CFAP58: variants seen among roughly 807,000 people sequenced by gnomAD.
The protein encoded by CFAP58 is cilia and flagella associated protein 58.
CFAP58 carries 88 observed loss-of-function variants against 119.5 expected under a neutral mutation model. The ratio of observed to expected loss-of-function variants is 0.74; its 90% CI spans 0.62 to 0.88. CFAP58 has a LOEUF of 0.88. CFAP58 is among the 40% of genes least tolerant of loss of function. The pLI is 0.00. For missense variants in CFAP58, 990 were observed against 1,021.2 expected (o/e 0.97, Z 0.42); for synonymous variants, 365 against 366.3 (o/e 1.00, Z 0.04).
At chr10:104,408,869 G>C (rs1182579233) in intron 15 of CFAP58, among the ~76,000 whole-genome samples, 2 of 152,146 alleles carry the variant, frequency 1.3e-5, no homozygotes, top group African/African-American at 4.8e-5. Flanking sequence ...GAGGCCAAGT[G>C]GGGGTGGATT....
chr10:104,376,019 T>C (rs1011565524), intron 7 of CFAP58, among the ~76,000 whole-genome samples: 6 of 152,166 alleles, frequency 3.9e-5, no homozygotes, highest in Non-Finnish European at 7.4e-5. Context: ...CTTTTTTGAT[T>C]ATCTCCTGGA....
At position 104,406,726 on chromosome 10, in the gene CFAP58, T is replaced by G; in HGVS notation, c.2189T>G (p.Ile730Ser). 1.6e-5 allele frequency: 26 copies of G among 1,614,104 alleles called. No individual in the cohort carries two copies. Among genetic ancestry groups the G allele is most frequent in the Non-Finnish European group, 2.2e-5 (26 of 1,180,020 alleles). ...AATGCATATGAGCTGATACAGAAAA[T>G]TCACACCCTGCAGAAGCGTCTCATC... The part of the protein sequence containing the change: ...DPNAYELIQK[I>S]HTLQKRLISK... Residue 730 changes from isoleucine (I) to serine (S), a missense_variant, in exon 15 of 18, where the codon ATT becomes AGT. Physicochemically the swap from Ile to Ser is moderately radical, Grantham distance 142. Transcript: ENST00000369704.
At chr10:104,350,069 G>A (rs1256085184), upstream of CFAP58, among the ~76,000 whole-genome samples, 5 of 152,224 alleles carry the variant, frequency 3.3e-5, no homozygotes, top group African/African-American at 1.2e-4. Flanking sequence ...ATCCTGTCTC[G>A]GACTGTTGTC....
At chr10:104,358,096 T>C (rs755356351) in intron 1 of CFAP58, among the ~76,000 whole-genome samples, 1 of 150,136 alleles carries the variant, frequency 6.7e-6, no homozygotes, top group Non-Finnish European at 1.5e-5. Context: ...CACACATATA[T>C]ATGTACATAT....
chr10:104,361,711 G>A (rs2014667792), intron 2 of CFAP58, among the ~76,000 whole-genome samples: 1 of 152,010 alleles, frequency 6.6e-6, no homozygotes, highest in Non-Finnish European at 1.5e-5. Flanking sequence ...TTTGAGACAG[G>A]GTCTTGCCCT....
the CFAP58 span, among the ~76,000 whole-genome samples, chr10:104,348,549 G>C: frequency 1.3e-5 from 2 of 152,180 alleles, no homozygotes; most frequent in African/African-American, 4.8e-5. Flanking sequence ...CCTAGTCCTT[G>C]AGTTTGGAGG....
At chr10:104,417,924 C>T (rs2012579430) in intron 15 of CFAP58, among the ~76,000 whole-genome samples, 1 of 152,176 alleles carries the variant, frequency 6.6e-6, no homozygotes, top group Non-Finnish European at 1.5e-5. Flanking sequence ...TTTGGGTAAA[C>T]TATGGCCCAC....
intron 15 of CFAP58, among the ~76,000 whole-genome samples, chr10:104,446,936 A>G (rs1213838071): frequency 4.6e-5 from 7 of 152,152 alleles, no homozygotes; most frequent in Non-Finnish European, 1.0e-4. Context: ...ACAAATATGC[A>G]TACCCAAGTT....
the CFAP58 span, among the ~76,000 whole-genome samples, chr10:104,339,869 G>T: frequency 6.6e-6 from 1 of 152,222 alleles, no homozygotes; most frequent in African/African-American, 2.4e-5. Flanking sequence ...AAGTTGGTCC[G>T]GTGGGTTACT....
intron 15 of CFAP58, among the ~76,000 whole-genome samples, chr10:104,412,873 C>T (rs919998514): frequency 1.3e-5 from 2 of 152,212 alleles, no homozygotes; most frequent in African/African-American, 4.8e-5. Flanking sequence ...CAACTCCTGC[C>T]TACCCTTTAG....
intron 10 of CFAP58, 105 bp from the exon 11 acceptor site, chr10:104,393,224 T>G (rs2012085147): frequency 9.9e-7 from 1 of 1,007,974 alleles, no homozygotes; most frequent in Non-Finnish European, 1.5e-6. Flanking sequence ...AAGAGACCAT[T>G]GTTTTGAGAG....
At chr10:104,353,788 G>T, upstream of CFAP58, 1 of 1,371,044 alleles carries the variant, frequency 7.3e-7, no homozygotes, top group Non-Finnish European at 1.0e-6. Context: ...TTTCCGCTCG[G>T]GGCGGGCGAT....
intron 7 of CFAP58, among the ~76,000 whole-genome samples, chr10:104,372,221 C>T (rs138358230): frequency 0.013 from 1,999 of 152,052 alleles, 48 homozygotes; most frequent in African/African-American, 0.046. Flanking sequence ...GGCATGGTAG[C>T]GGGTGCCTGT....
chr10:104,428,124 C>A (rs1212191976), intron 15 of CFAP58, among the ~76,000 whole-genome samples: 1 of 152,158 alleles, frequency 6.6e-6, no homozygotes, highest in African/African-American at 2.4e-5. Flanking sequence ...TGGACTGTGT[C>A]TGATTTTGCA....
At chr10:104,362,534 C>G (rs1042157236) in intron 3 of CFAP58, among the ~76,000 whole-genome samples, 2 of 152,160 alleles carry the variant, frequency 1.3e-5, no homozygotes, top group Non-Finnish European at 2.9e-5. Flanking sequence ...ATCACCAACC[C>G]TCCCACCCTT....
At chr10:104,360,461 G>T (rs571966385) in intron 2 of CFAP58, among the ~76,000 whole-genome samples, 7 of 151,726 alleles carry the variant, frequency 4.6e-5, no homozygotes, top group African/African-American at 1.5e-4. Context: ...CAAGAGGGGC[G>T]GGGGGGAGGT....
rs991090537 is a variant in CFAP58, at chr10:104,406,856, G to A, written c.2256+63G>A. ...TTAGCACCACCATCTCCAGGACTAC[G>A]TTCTTAGAATTAGTTATTTGGCAGC... On this transcript the variant is annotated intron_variant, in intron 15 of 17. Coordinates refer to ENST00000369704, the MANE Select transcript of CFAP58 (RefSeq NM_001008723.2). 36 of 1,269,814 alleles carry A rather than the reference G, an allele frequency of 2.8e-5. 1 individual carries two copies. The highest frequency in any genetic ancestry group is 8.4e-5 in the South Asian group (7 of 83,054). The allele number at this position is 1,269,814 out of a possible 1,614,324, so 78.7% of individuals were successfully genotyped here. A position where few individuals can be genotyped will look rare whatever the true frequency, so the allele number is the denominator to read the frequency against.
chr10:104,393,647 A>C (rs1046839311), intron 11 of CFAP58, among the ~76,000 whole-genome samples, 172 bp downstream of exon 11: 3 of 152,186 alleles, frequency 2.0e-5, no homozygotes, highest in Non-Finnish European at 4.4e-5. Flanking sequence ...GAGCTTTACC[A>C]TCTCTAGGTC....
At chr10:104,397,162 G>A (rs369561846) in intron 11 of CFAP58, among the ~76,000 whole-genome samples, 1 of 152,126 alleles carries the variant, frequency 6.6e-6, no homozygotes, top group Non-Finnish European at 1.5e-5. Context: ...GAAAATAAAA[G>A]TTTTATTAAA....
Sources: allele counts gnomAD v4.1 joint callset (sites outside exome capture counted in the v4.1 genomes callset), GRCh38; gene constraint gnomAD v4.1.1; transcripts MANE v1.5; gene names NCBI Gene and HGNC (gene_info 2026-07-23, HGNC 2026-07-21).